The following MEGF11 variants were observed in gnomAD, a reference collection of about 807,000 sequenced individuals.
MEGF11 encodes the protein multiple epidermal growth factor-like domains protein 11.
Under a neutral mutation model 146.6 loss-of-function variants are expected in MEGF11, and 126 were observed. The ratio of observed to expected loss-of-function variants is 0.86; its 90% CI spans 0.74 to 1.00. The LOEUF is 1.00. Among genes scored for constraint, MEGF11 ranks in the 50% least tolerant of loss-of-function variants. The pLI is 0.00. For synonymous variants in MEGF11, 532 were observed against 583.4 expected (o/e 0.91, Z 1.27); for missense variants, 1,509 against 1,521.2 (o/e 0.99, Z 0.13).
chr15:66,013,730 T>C (rs138042144), intron 5 of MEGF11, among the ~76,000 whole-genome samples: 100 of 152,262 alleles, frequency 6.6e-4, no homozygotes, highest in African/African-American at 2.2e-3. Flanking sequence ...AGGAAGCATA[T>C]AGTCTCATGA....
In MEGF11 at chr15:65,915,652, C is replaced by A. The variant is rs573124698; in HGVS notation, c.2345-54G>T. The A allele has an allele frequency of 4.4e-6, 7 of 1,593,236 alleles. No homozygotes were observed. The Middle Eastern group carries it at 5.0e-4, about 114-fold the overall frequency. On this transcript the variant is annotated intron_variant, in intron 18 of 25. Transcript: ENST00000395614. ...GACCCACTCACTCTCCACCCCTCCC[C>A]TTCCATGTTTAGACAGCTATGGCAA...
chr15:66,073,278 C>G (rs1436639584), intron 5 of MEGF11, among the ~76,000 whole-genome samples: 2 of 152,190 alleles, frequency 1.3e-5, no homozygotes, highest in Non-Finnish European at 2.9e-5. Context: ...AATCACGCCC[C>G]CCTTCTTCCC....
At chr15:65,937,220 C>T (rs1190667750) in intron 10 of MEGF11, among the ~76,000 whole-genome samples, 1 of 152,152 alleles carries the variant, frequency 6.6e-6, no homozygotes, top group Non-Finnish European at 1.5e-5. Context: ...CCCAAACCAG[C>T]CCTCAGTTCA....
intron 5 of MEGF11, among the ~76,000 whole-genome samples, chr15:66,001,940 C>T (rs1342164292): frequency 6.6e-6 from 1 of 152,158 alleles, no homozygotes; most frequent in African/African-American, 2.4e-5. Flanking sequence ...CTCTGCGGTC[C>T]TCTCCTCTTC....
intron 4 of MEGF11, among the ~76,000 whole-genome samples, chr15:66,113,612 T>C (rs1324946559): frequency 6.6e-6 from 1 of 151,954 alleles, no homozygotes; most frequent in Non-Finnish European, 1.5e-5. Context: ...ACTGAGTCAG[T>C]AAAGAAACCC....
intron 1 of MEGF11, among the ~76,000 whole-genome samples, chr15:66,176,274 C>A (rs2090386755): frequency 6.6e-6 from 1 of 152,122 alleles, no homozygotes; most frequent in East Asian, 1.9e-4. Flanking sequence ...CTAAAAATAG[C>A]ACTACCATAG....
intron 5 of MEGF11, among the ~76,000 whole-genome samples, chr15:65,989,355 G>A (rs2081963615): frequency 6.6e-6 from 1 of 152,176 alleles, no homozygotes; most frequent in Non-Finnish European, 1.5e-5. Context: ...CTAAGGACTG[G>A]GCCAAGGCCC....
chr15:66,187,138 A>G (rs2090730440), intron 1 of MEGF11, among the ~76,000 whole-genome samples: 1 of 152,248 alleles, frequency 6.6e-6, no homozygotes, highest in Non-Finnish European at 1.5e-5. Context: ...CTTCTTTCCA[A>G]TTCCAAATCT....
chr15:66,139,867 CAG>C (rs1484387633), intron 1 of MEGF11, among the ~76,000 whole-genome samples: 2 of 152,160 alleles, frequency 1.3e-5, no homozygotes, highest in African/African-American at 4.8e-5. Context: ...AGGAGGAAGT[CAG>C]GGGGACTTGA....
intron 5 of MEGF11, among the ~76,000 whole-genome samples, chr15:66,046,104 A>G (rs2084194480): frequency 6.6e-6 from 1 of 152,196 alleles, no homozygotes; most frequent in Non-Finnish European, 1.5e-5. Flanking sequence ...CTCTGTCTCA[A>G]AAAAAGATTA....
chr15:66,070,445 T>C (rs899447518), intron 5 of MEGF11, among the ~76,000 whole-genome samples: 4 of 152,180 alleles, frequency 2.6e-5, no homozygotes, highest in African/African-American at 9.7e-5. Flanking sequence ...CAGGACCAGT[T>C]TGGCAGGAAA....
At chr15:66,119,737 C>T (rs73487505) in intron 3 of MEGF11, among the ~76,000 whole-genome samples, 8,566 of 152,192 alleles carry the variant, frequency 0.056, 281 homozygotes, top group Non-Finnish European at 0.071. Context: ...ATAACACCTC[C>T]GGGAGAGGAG....
chr15:65,950,468 C>T (rs2080359591), intron 10 of MEGF11, among the ~76,000 whole-genome samples: 1 of 151,988 alleles, frequency 6.6e-6, no homozygotes, highest in African/African-American at 2.4e-5. Context: ...GACCCAGCTA[C>T]TTGGGAGGTT....
intron 5 of MEGF11, among the ~76,000 whole-genome samples, chr15:66,022,500 C>G (rs888859748): frequency 6.6e-6 from 1 of 152,200 alleles, no homozygotes; most frequent in Non-Finnish European, 1.5e-5. Context: ...CATGGTCATA[C>G]TGTGGCCCAG....
chr15:65,988,488 G>C (rs1405137868), intron 5 of MEGF11, among the ~76,000 whole-genome samples: 1 of 152,212 alleles, frequency 6.6e-6, no homozygotes, highest in East Asian at 1.9e-4. Context: ...TGTATGGACA[G>C]ACTACATTTT....
At chr15:65,931,139 G>A (rs1160760264) in intron 10 of MEGF11, among the ~76,000 whole-genome samples, 196 bp from the exon 11 acceptor site, 2 of 152,148 alleles carry the variant, frequency 1.3e-5, no homozygotes, top group Admixed American at 6.5e-5. Flanking sequence ...AATGTCAGGC[G>A]TTCAGGGGTT....
At chr15:65,948,519 C>T (rs1034644153) in intron 10 of MEGF11, among the ~76,000 whole-genome samples, 11 of 152,194 alleles carry the variant, frequency 7.2e-5, no homozygotes, top group African/African-American at 2.7e-4. Context: ...TAAGGTCACA[C>T]AGCTACTGAG....
Position 66,119,167 on chromosome 15 carries a change from A to T in MEGF11, c.220T>A (p.Tyr74Asn). 1 of 1,551,414 alleles carries T rather than the reference A, an allele frequency of 6.4e-7. No homozygotes were observed. The highest frequency in any genetic ancestry group is 8.7e-7 in the Non-Finnish European group (1 of 1,146,980). The change falls in exon 4 of 26, where the codon TAT (tyrosine) becomes AAT (asparagine). Residue 74 changes from tyrosine (Y) to asparagine (N), a missense_variant. By Grantham distance (143) the Tyr-to-Asn change is moderately radical. Coordinates refer to ENST00000395614, the MANE Select transcript of MEGF11 (RefSeq NM_001385028.1). Reference sequence around the variant, plus strand: ...TACATGGTCCGGAGGCCTCTCCGATACGCCGTCTTATAACTGATCCTAAGG... The same window carrying T: ...TACATGGTCCGGAGGCCTCTCCGATTCGCCGTCTTATAACTGATCCTAAGG... ...TRHRISYKTA[Y>N]RRGLRTMYRR...
intron 5 of MEGF11, among the ~76,000 whole-genome samples, chr15:66,082,401 A>G (rs2085893550): frequency 8.1e-6 from 1 of 123,604 alleles, no homozygotes; most frequent in African/African-American, 3.2e-5. Context: ...CAGCCTGGCC[A>G]ACATGGTAAA....
Sources: gnomAD v4.1 joint callset for allele counts (sites outside exome capture counted in the v4.1 genomes callset) on GRCh38, gnomAD v4.1.1 for gene constraint, MANE v1.5 for transcripts, NCBI Gene and HGNC (gene_info 2026-07-23, HGNC 2026-07-21) for gene names.